Variants in SYT13 observed in about 807,000 individuals in gnomAD.
SYT13 encodes synaptotagmin-13.
In SYT13, 21 loss-of-function variants were observed where a neutral mutation model predicts 38.6. The observed-to-expected ratio is 0.54, with a 90% CI of 0.39 to 0.78. The LOEUF (loss-of-function observed/expected upper bound fraction) is 0.78. Among genes scored for constraint, SYT13 ranks in the 30% least tolerant of loss-of-function variants. SYT13 has a pLI of 0.00. For missense variants in SYT13, 495 were observed against 548.7 expected, an observed-to-expected ratio of 0.90 and a Z score of 0.98; for synonymous variants, 241 against 237.6, an observed-to-expected ratio of 1.01 and a Z score of -0.13.
chr11:45,248,849 G>A (rs568751400), intron 4 of SYT13, among the ~76,000 whole-genome samples: 5 of 152,284 alleles, frequency 3.3e-5, no homozygotes, highest in East Asian at 3.9e-4. Context: ...TAGCCTAGCC[G>A]GCTGCACCAT....
At chr11:45,249,307 G>A (rs1854647394) in intron 4 of SYT13, among the ~76,000 whole-genome samples, 1 of 152,230 alleles carries the variant, frequency 6.6e-6, no homozygotes, top group Non-Finnish European at 1.5e-5. Flanking sequence ...TGGTGGGACT[G>A]TAAACTAGTT....
chr11:45,282,913 T>G (rs535161927), intron 1 of SYT13, among the ~76,000 whole-genome samples: 1 of 152,174 alleles, frequency 6.6e-6, no homozygotes, highest in African/African-American at 2.4e-5. Flanking sequence ...TTTGAGAGGC[T>G]GAGGCAGGCA....
In SYT13 at chr11:45,243,805, A is replaced by G; in HGVS notation, c.*247T>C. The G allele has an allele frequency of 4.1e-6, 2 of 485,894 alleles. No homozygotes were observed. The highest frequency in any genetic ancestry group is 7.2e-6 in the Non-Finnish European group (2 of 275,920). The allele number at this position is 485,894 out of a possible 1,614,324, so 30.1% of individuals were successfully genotyped here. On this transcript the variant is annotated 3_prime_UTR_variant, in exon 6 of 6. Coordinates refer to ENST00000020926, the MANE Select transcript of SYT13 (RefSeq NM_020826.3). The stretch of plus-strand genomic sequence containing the variant: ...CCTATAAAACAGGCATAGGAACTGT[A>G]TTTAATAAGCACCTCCTTCAATAAC...
At chr11:45,273,825 A>T (rs1854978916) in intron 1 of SYT13, among the ~76,000 whole-genome samples, 1 of 152,236 alleles carries the variant, frequency 6.6e-6, no homozygotes, top group African/African-American at 2.4e-5. Flanking sequence ...CTGTTAATGA[A>T]TTTTTTCTTT....
intron 4 of SYT13, among the ~76,000 whole-genome samples, chr11:45,248,249 C>A (rs187972768): frequency 1.3e-5 from 2 of 152,310 alleles, no homozygotes; most frequent in Non-Finnish European, 1.5e-5. Flanking sequence ...GTGTGAAGTG[C>A]AATTACATTG....
chr11:45,246,238 G>A, intron 5 of SYT13, 145 bp downstream of exon 5: 1 of 1,202,968 alleles, frequency 8.3e-7, no homozygotes, highest in African/African-American at 1.5e-5. Flanking sequence ...TTAGGGTGAA[G>A]AACACCGCTG....
Position 45,254,277 on chromosome 11 carries a change from G to A in SYT13, c.537C>T (p.Arg179=), listed in dbSNP as rs773721235. 3.7e-6 allele frequency: 6 copies of A among 1,610,830 alleles called. No homozygotes were observed. In the East Asian group the frequency reaches 1.3e-4, roughly 36 times the overall value. Residue 179 remains arginine (R), a synonymous_variant, in exon 3 of 6, where the codon CGC becomes CGT. Transcript: ENST00000020926. ...DCQKAELFVT[R]LEAVTSNHDG... ...GTCAAATAAGAGCCATACCTTCCAG[G>A]CGAGTCACAAACAATTCTGCCTTCT...
chr11:45,282,137 C>G (rs763862560), intron 1 of SYT13, among the ~76,000 whole-genome samples: 8 of 152,168 alleles, frequency 5.3e-5, no homozygotes, highest in Non-Finnish European at 1.2e-4. Context: ...ATCATTCTCG[C>G]TTTGCCTCCC....
chr11:45,281,323 T>G (rs1855070910), intron 1 of SYT13, among the ~76,000 whole-genome samples: 1 of 152,054 alleles, frequency 6.6e-6, no homozygotes, highest in Admixed American at 6.6e-5. Flanking sequence ...GAGGATGGGA[T>G]TGTAGAGTTT....
rs775799362 is a variant in SYT13 at position 45,246,362 on chromosome 11, ATCC to A, written c.976+18_976+20del. On this transcript the variant is annotated intron_variant, in intron 5 of 5. Transcript: ENST00000020926. ...CCCGGTAGCTGGAGGGGCCTTGGCC[ATCC>A]TCTCACATCTCACTCACCCTTCCCC... The A allele has an allele frequency of 6.2e-7, 1 of 1,611,988 alleles. No homozygotes were observed. The highest frequency in any genetic ancestry group is 8.5e-7 in the Non-Finnish European group (1 of 1,179,182).
chr11:45,253,057 A>G (rs1590512037), intron 3 of SYT13, among the ~76,000 whole-genome samples: 2 of 152,196 alleles, frequency 1.3e-5, no homozygotes, highest in East Asian at 3.9e-4. Flanking sequence ...TGCTGCTGAC[A>G]TGTAACCATT....
At chr11:45,278,618 G>C (rs1222422160) in intron 1 of SYT13, among the ~76,000 whole-genome samples, 1 of 152,124 alleles carries the variant, frequency 6.6e-6, no homozygotes, top group South Asian at 2.1e-4. Flanking sequence ...ATGCAGCACT[G>C]TTTTCTGCTA....
intron 5 of SYT13, 146 bp from the exon 6 acceptor site, chr11:45,244,502 T>C: frequency 1.0e-6 from 1 of 962,600 alleles, no homozygotes; most frequent in South Asian, 1.7e-5. Flanking sequence ...TACCCAAACA[T>C]CTTAGAGGCC....
In SYT13 at chr11:45,252,739, C is replaced by A. The variant is rs76219462; in HGVS notation, c.545-17G>T. The A allele has an allele frequency of 9.0e-4, 1,406 of 1,553,604 alleles. 14 individuals carry two copies. The African/African-American group carries it at 0.017, about 19-fold the overall frequency. ...TGGTCACAGCTGCAGGCAAGGAGAA[C>A]AACACAGGCGTGGGACTTTCTGAGG... On this transcript the variant is annotated splice_polypyrimidine_tract_variant and intron_variant, in intron 3 of 5. Transcript: ENST00000020926. This position sits in a 1 kb window ranked among gnomAD's most constrained non-coding sequence, Gnocchi z 4.3.
intron 1 of SYT13, among the ~76,000 whole-genome samples, chr11:45,271,558 G>C (rs1184843849): frequency 6.6e-6 from 1 of 152,158 alleles, no homozygotes; most frequent in Admixed American, 6.5e-5. Flanking sequence ...GTGAGGCTAG[G>C]TCATAAAGGG....
At chr11:45,285,910 C>A in intron 1 of SYT13, 115 bp downstream of exon 1, 1 of 1,465,810 alleles carries the variant, frequency 6.8e-7, no homozygotes, top group Non-Finnish European at 9.2e-7. Context: ...TGTCCCCTCC[C>A]CGCCAAGCTT....
At chr11:45,278,188 C>CT (rs1242824710) in intron 1 of SYT13, among the ~76,000 whole-genome samples, 2 of 152,184 alleles carry the variant, frequency 1.3e-5, no homozygotes, top group East Asian at 3.8e-4. Flanking sequence ...AAACTTGCTT[C>CT]TATGAAGCTA....
chr11:45,271,915 TTC>T lies in SYT13; in HGVS notation c.183+14108_183+14109del. Among the ~76,000 whole-genome samples, 3 of 152,332 alleles carry T rather than the reference TTC, an allele frequency of 2.0e-5. No homozygotes were observed. The East Asian group carries it at 5.8e-4, about 29-fold the overall frequency. On this transcript the variant is annotated intron_variant, in intron 1 of 5. Coordinates refer to ENST00000020926, the MANE Select transcript of SYT13 (RefSeq NM_020826.3). Reference sequence around the variant, plus strand: ...CACATGTATGTTTATTGCAGCACTGTTCACAATAGCAAAGACTTGGAATCAAC... The same window carrying T: ...CACATGTATGTTTATTGCAGCACTGTACAATAGCAAAGACTTGGAATCAAC...
chr11:45,274,249 G>A (rs1305879778), intron 1 of SYT13, among the ~76,000 whole-genome samples: 3 of 152,172 alleles, frequency 2.0e-5, no homozygotes, highest in Admixed American at 6.5e-5. Flanking sequence ...AGGCTACAAT[G>A]TGGTGGGATT....
Sources: gnomAD v4.1 joint callset for allele counts (sites outside exome capture counted in the v4.1 genomes callset) on GRCh38, gnomAD v4.1.1 for gene constraint, Gnocchi (gnomAD v3.1) non-coding constraint, MANE v1.5 for transcripts, NCBI Gene and HGNC (gene_info 2026-07-23, HGNC 2026-07-21) for gene names.